The following GIGYF2 variants were observed in gnomAD, a reference collection of about 807,000 sequenced individuals.
GIGYF2 encodes GRB10 interacting GYF protein 2, also known as GRB10-interacting GYF protein 2.
A neutral mutation model predicts 208.1 loss-of-function variants in GIGYF2; 25 were observed. The observed-to-expected ratio is 0.12, with a 90% CI of 0.09 to 0.17. The LOEUF (loss-of-function observed/expected upper bound fraction) is 0.17, where lower values mean the gene tolerates loss of function less well. GIGYF2 is among the 10% of genes least tolerant of loss of function. The pLI, the probability that GIGYF2 is intolerant of heterozygous loss-of-function variation, is 1.00. For missense variants in GIGYF2, 1,302 were observed against 1,579.4 expected, an observed-to-expected ratio of 0.82 and a Z score of 2.98; for synonymous variants, 534 against 543.8, an observed-to-expected ratio of 0.98 and a Z score of 0.25.
intron 22 of GIGYF2, among the ~76,000 whole-genome samples, chr2:232,838,991 A>T (rs930073855): frequency 5.3e-5 from 8 of 151,988 alleles, no homozygotes; most frequent in African/African-American, 1.9e-4. Context: ...ATCAATATCC[A>T]CTGTTATAGA....
intron 2 of GIGYF2, among the ~76,000 whole-genome samples, chr2:232,707,912 A>G (rs1696201754): frequency 6.6e-6 from 1 of 152,042 alleles, no homozygotes; most frequent in Non-Finnish European, 1.5e-5. Context: ...TGCTAGGATT[A>G]TAGGTGTGAG....
Position 232,806,434 on chromosome 2 carries a change from T to A in GIGYF2, c.1640-57T>A. 1 of 1,205,656 alleles carries A rather than the reference T, an allele frequency of 8.3e-7. No individual in the cohort carries two copies. The highest frequency in any genetic ancestry group is 1.2e-6 in the Non-Finnish European group (1 of 807,462). 74.7% of individuals were successfully genotyped at this position (1,205,656 alleles called of 1,614,324 possible). On this transcript the variant is annotated intron_variant, in intron 14 of 28. Transcript: ENST00000373563. This position sits in a 1 kb window ranked among gnomAD's most constrained non-coding sequence, Gnocchi z 4.0. ...AATCAGATGCAGGAAATATTTTTTT[T>A]CTCTTTGAGTCTGAAAGGTTTCTTA...
Position 232,747,724 on chromosome 2 carries a change from C to G in GIGYF2, c.151C>G (p.Leu51Val). The change falls in exon 4 of 29, where the codon CTT becomes GTT. Residue 51 changes from leucine to valine, a missense_variant. Physicochemically the swap from Leu to Val is conservative, Grantham distance 32 (BLOSUM62 1). Around this residue, in one of 8 missense-constraint regions of GIGYF2, gnomAD observed 189 missense variants for 257.7 expected, o/e 0.73. Coordinates refer to ENST00000373563, the MANE Select transcript of GIGYF2 (RefSeq NM_001103146.3). ...YRYGREEMLA[L>V]FLKDNKIPSD... is the part of the protein sequence containing the mutation. ...TTACGGCAGAGAAGAAATGTTAGCA[C>G]TTTTCCTTAAAGACAACAAGGTAAG... 6.2e-7 allele frequency: 1 copy of G among 1,613,802 alleles called. No homozygotes were observed. Among genetic ancestry groups the G allele is most frequent in the East Asian group, 2.2e-5 (1 of 44,854 alleles).
intron 18 of GIGYF2, among the ~76,000 whole-genome samples, chr2:232,813,593 G>A (rs1700808211): frequency 6.6e-6 from 1 of 152,130 alleles, no homozygotes; most frequent in African/African-American, 2.4e-5. Context: ...TATAGTTGGT[G>A]TTGAAGATCC....
intron 2 of GIGYF2, among the ~76,000 whole-genome samples, chr2:232,734,119 T>TC (rs1428387212): frequency 6.7e-6 from 1 of 149,512 alleles, no homozygotes; most frequent in African/African-American, 2.4e-5. Flanking sequence ...CTTTTTTTTT[T>TC]TTTTTTTTTT....
chr2:232,762,295 C>G (rs1345113519), intron 8 of GIGYF2, among the ~76,000 whole-genome samples: 13 of 149,642 alleles, frequency 8.7e-5, no homozygotes, highest in Non-Finnish European at 3.0e-5. Context: ...CTCTGTCACC[C>G]AGGCTGGAGT....
chr2:232,768,652 G>A (rs770984701), intron 8 of GIGYF2: 1 of 1,613,996 alleles, frequency 6.2e-7, no homozygotes, highest in Non-Finnish European at 8.5e-7. Context: ...TCCTGATAGA[G>A]TACAGCTGAG....
rs1298728135 is a variant in GIGYF2, at chr2:232,820,052, A to G, written c.2529+67A>G. The G allele has an allele frequency of 1.8e-5, 29 of 1,578,164 alleles. 1 individual carries two copies. In the Admixed American group the frequency reaches 4.7e-4, roughly 26 times the overall value. Reference sequence around the variant, plus strand: ...GGGAATTAGTGATTTAGAAAATATTAGGACATTAAGGTAGCCTATCTAAAA... The same window carrying G: ...GGGAATTAGTGATTTAGAAAATATTGGGACATTAAGGTAGCCTATCTAAAA... On this transcript the variant is annotated intron_variant, in intron 21 of 28. Transcript: ENST00000373563.
At chr2:232,835,518 G>A (rs1313819922) in intron 22 of GIGYF2, among the ~76,000 whole-genome samples, 1 of 152,092 alleles carries the variant, frequency 6.6e-6, no homozygotes, top group Admixed American at 6.5e-5. Flanking sequence ...ATACTTTCCT[G>A]TTTCTTGCAT....
chr2:232,751,693 G>C (rs538861488), intron 5 of GIGYF2, among the ~76,000 whole-genome samples: 1 of 152,220 alleles, frequency 6.6e-6, no homozygotes, highest in African/African-American at 2.4e-5. Context: ...GAAGAGGGAA[G>C]AGGACATGCT....
chr2:232,793,794 T>C lies in GIGYF2; in HGVS notation c.1283-954T>C, dbSNP rs145767927. 4.7e-3 allele frequency among the ~76,000 whole-genome samples: 714 copies of C among 150,952 alleles called. 5 individuals are homozygous for C. Among genetic ancestry groups the C allele is most frequent in the Non-Finnish European group, 7.6e-3 (514 of 67,604 alleles). On this transcript the variant is annotated intron_variant, in intron 12 of 28. Coordinates refer to ENST00000373563, the MANE Select transcript of GIGYF2 (RefSeq NM_001103146.3). ...AGAGGTAAAAGTAGAGACAGGAGAG[T>C]AGAGTGCAGGGAAACTAAGGAATGG...
chr2:232,827,230 T>TAA (rs1256890759), intron 21 of GIGYF2, among the ~76,000 whole-genome samples: 1 of 152,116 alleles, frequency 6.6e-6, no homozygotes, highest in Non-Finnish European at 1.5e-5. Context: ...ATAATGTGGT[T>TAA]AAACACTTGA....
chr2:232,854,539 C>G (rs1690479670), intron 28 of GIGYF2, among the ~76,000 whole-genome samples: 1 of 152,014 alleles, frequency 6.6e-6, no homozygotes, highest in Non-Finnish European at 1.5e-5. Context: ...AAGGCTGTCA[C>G]TATTTTCAAG....
intron 14 of GIGYF2, among the ~76,000 whole-genome samples, chr2:232,798,081 C>G (rs76521304): frequency 0.012 from 1,871 of 151,972 alleles, 45 homozygotes; most frequent in African/African-American, 0.042. Context: ...TCCCTTCTAC[C>G]CCAACTCCTT....
chr2:232,850,709 G>C (rs893500898), intron 28 of GIGYF2, among the ~76,000 whole-genome samples: 11 of 152,072 alleles, frequency 7.2e-5, no homozygotes, highest in African/African-American at 2.2e-4. Flanking sequence ...AATTTAGTTG[G>C]AAAATGATGC....
intron 6 of GIGYF2, among the ~76,000 whole-genome samples, chr2:232,758,392 T>C (rs1451647614): frequency 6.6e-6 from 1 of 152,210 alleles, no homozygotes; most frequent in Non-Finnish European, 1.5e-5. Flanking sequence ...TAAAGCAGAT[T>C]GACAGAGCTC....
chr2:232,715,576 C>T, intron 2 of GIGYF2, among the ~76,000 whole-genome samples: 1 of 147,298 alleles, frequency 6.8e-6, no homozygotes, highest in African/African-American at 2.5e-5. Flanking sequence ...TGTTGGCTTT[C>T]TGGGAAAAAA....
intron 12 of GIGYF2, among the ~76,000 whole-genome samples, chr2:232,792,381 G>A (rs548870898): frequency 2.0e-5 from 3 of 152,128 alleles, no homozygotes; most frequent in African/African-American, 7.2e-5. Flanking sequence ...TATTTTGAGA[G>A]CTCAAACCCA....
intron 6 of GIGYF2, among the ~76,000 whole-genome samples, chr2:232,758,815 TGA>T (rs1698639479): frequency 6.6e-6 from 1 of 152,200 alleles, no homozygotes; most frequent in Admixed American, 6.5e-5. Flanking sequence ...CTCTAAAAGA[TGA>T]GGAGACTTTT....
Sources: gnomAD v4.1 joint callset for allele counts (sites outside exome capture counted in the v4.1 genomes callset) on GRCh38, gnomAD v4.1.1 for gene constraint, gnomAD v4.1.1 regional missense constraint, Gnocchi (gnomAD v3.1) non-coding constraint, MANE v1.5 for transcripts, NCBI Gene and HGNC (gene_info 2026-07-23, HGNC 2026-07-21) for gene names.